The following PRPS2 variants were observed in gnomAD, a reference collection of about 807,000 sequenced individuals.
The protein encoded by PRPS2 is phosphoribosyl pyrophosphate synthetase 2, also known as ribose-phosphate pyrophosphokinase 2.
For synonymous variants in PRPS2, 111 were observed against 115.3 expected, an observed-to-expected ratio of 0.96 and a Z score of 0.24; for missense variants, 104 against 271.5, an observed-to-expected ratio of 0.38 and a Z score of 4.34.
chrX:12,800,570 T>G (rs756595050), intron 2 of PRPS2, among the ~76,000 whole-genome samples: 1 of 111,318 alleles, frequency 9.0e-6, no homozygotes, highest in Non-Finnish European at 1.9e-5. Context: ...TAGATAGATG[T>G]TCAGCCAGGC....
chrX:12,819,536 T>C lies in PRPS2; in HGVS notation c.560T>C (p.Val187Ala). 1.7e-6 allele frequency: 2 copies of C among 1,209,433 alleles called. No homozygotes were observed. The highest frequency in any genetic ancestry group is 2.2e-6 in the Non-Finnish European group (2 of 894,244). ...RVTSIADRLN[V>A]EFALIHKERK... ...ACATCAATTGCAGACAGGTTGAATG[T>C]GGAATTTGCTTTGATCCACAAAGAG... Residue 187 changes from valine (V) to alanine (A), a missense_variant, in exon 5 of 7, where the codon GTG becomes GCG. By Grantham distance (64) the Val-to-Ala change is moderately conservative. Transcript: ENST00000380668.
intron 2 of PRPS2, among the ~76,000 whole-genome samples, chrX:12,800,727 TC>T (rs1374453250): frequency 9.0e-6 from 1 of 111,523 alleles, no homozygotes. Flanking sequence ...GCACACAAGA[TC>T]CCCTCATATT....
At chrX:12,814,639 T>C (rs1313799310) in intron 4 of PRPS2, among the ~76,000 whole-genome samples, 1 of 112,125 alleles carries the variant, frequency 8.9e-6, no homozygotes, top group African/African-American at 3.2e-5. Context: ...GAGGTCACTC[T>C]TGGGTAGGCT....
At chrX:12,805,970 G>A (rs2042591621) in intron 2 of PRPS2, among the ~76,000 whole-genome samples, 1 of 111,291 alleles carries the variant, frequency 9.0e-6, no homozygotes. Context: ...CTACTCAGGG[G>A]GCTGGGGCAG....
At chrX:12,817,468 TAAAAAAAA>T (rs765566895) in intron 4 of PRPS2, among the ~76,000 whole-genome samples, 1 of 67,276 alleles carries the variant, frequency 1.5e-5, no homozygotes, top group African/African-American at 5.8e-5. Context: ...ATGTTCCTCA[TAAAAAAAA>T]AAAAAAAAAA....
At chrX:12,817,206 G>A (rs909912264) in intron 4 of PRPS2, among the ~76,000 whole-genome samples, 13 of 110,719 alleles carry the variant, frequency 1.2e-4, no homozygotes, top group Middle Eastern at 4.2e-3. Context: ...CTGAATGTTT[G>A]TGGTTTGGTG....
Position 12,799,829 on chromosome X carries a change from T to A in PRPS2, c.306+439T>A, listed in dbSNP as rs371345206. Among the ~76,000 whole-genome samples the A allele has an allele frequency of 5.4e-5, 6 of 111,415 alleles. No homozygotes were observed. In the East Asian group the frequency reaches 1.1e-3, roughly 21 times the overall value. On this transcript the variant is annotated intron_variant, in intron 2 of 6. Transcript: ENST00000380668. ...GGAACTAGGTAAAAGGTTCACAGGA[T>A]CTCTGCGTTGTTTCATACAACTGCA...
At chrX:12,810,385 A>G (rs2042617702) in intron 4 of PRPS2, 1 of 326,402 alleles carries the variant, frequency 3.1e-6, no homozygotes, top group Non-Finnish European at 5.2e-6. Flanking sequence ...ATATTGGTTT[A>G]TTTGTTTTCA....
At chrX:12,820,589 G>A in intron 5 of PRPS2, 55 bp from the exon 6 acceptor site, 3 of 1,138,093 alleles carry the variant, frequency 2.6e-6, no homozygotes, top group Non-Finnish European at 3.5e-6. Flanking sequence ...TACTAGGGGA[G>A]AGTATTCCAA....
chrX:12,812,014 G>A (rs1319079504), intron 4 of PRPS2, among the ~76,000 whole-genome samples: 2 of 112,098 alleles, frequency 1.8e-5, no homozygotes, highest in Non-Finnish European at 3.8e-5. Flanking sequence ...GTCACGGGGT[G>A]GAGGGCAGCG....
Position 12,819,414 on chromosome X carries a change from C to T in PRPS2, c.531-93C>T, listed in dbSNP as rs182520451. 327 of 1,001,505 alleles carry T rather than the reference C, an allele frequency of 3.3e-4. 2 individuals are homozygous for T. Among genetic ancestry groups the T allele is most frequent in the Admixed American group, 7.1e-4 (28 of 39,569 alleles). The allele number at this position is 1,001,505 out of a possible 1,213,427, so 82.5% of individuals were successfully genotyped here. A position where few individuals can be genotyped will look rare whatever the true frequency, so the allele number is the denominator to read the frequency against. ...GAGGCCTGATTCTTGCATCATCTCT[C>T]GGGTGTGGTTGCCTGCTACATTCCC... On this transcript the variant is annotated intron_variant, in intron 4 of 6. Transcript: ENST00000380668.
At chrX:12,799,903 C>A (rs1227501381) in intron 2 of PRPS2, among the ~76,000 whole-genome samples, 1 of 111,070 alleles carries the variant, frequency 9.0e-6, no homozygotes, top group Non-Finnish European at 1.9e-5. Flanking sequence ...AAAAAAAAAA[C>A]CCATGATCTC....
chrX:12,795,603 T>G (rs2042539250), intron 1 of PRPS2, among the ~76,000 whole-genome samples: 1 of 111,683 alleles, frequency 9.0e-6, no homozygotes, highest in Non-Finnish European at 1.9e-5. Context: ...AGAGCATATT[T>G]GAGAGAGAGC....
At chrX:12,809,820 G>C (rs1234617470) in intron 3 of PRPS2, among the ~76,000 whole-genome samples, 3 of 112,408 alleles carry the variant, frequency 2.7e-5, no homozygotes, top group African/African-American at 6.5e-5. Context: ...CCAAGAGACA[G>C]ATTGGACTGA....
chrX:12,793,992 G>C (rs2042531804), intron 1 of PRPS2, among the ~76,000 whole-genome samples: 1 of 112,245 alleles, frequency 8.9e-6, no homozygotes, highest in Non-Finnish European at 1.9e-5. Context: ...ATTTTACTAT[G>C]GTCAGTTAAC....
intron 2 of PRPS2, among the ~76,000 whole-genome samples, chrX:12,807,004 C>T (rs966623240): frequency 1.8e-5 from 2 of 110,057 alleles, no homozygotes; most frequent in Non-Finnish European, 3.8e-5. Context: ...TGCGGTGAGC[C>T]GAGATCACAC....
chrX:12,804,394 G>A (rs189699494), intron 2 of PRPS2, among the ~76,000 whole-genome samples: 2 of 110,922 alleles, frequency 1.8e-5, no homozygotes, highest in East Asian at 5.7e-4. Flanking sequence ...TGCTCACCTC[G>A]GCCTCCCAAA....
At chrX:12,800,095 T>C (rs2042562337) in intron 2 of PRPS2, among the ~76,000 whole-genome samples, 1 of 112,111 alleles carries the variant, frequency 8.9e-6, no homozygotes, top group African/African-American at 3.2e-5. Flanking sequence ...TTGTATTAGT[T>C]TTCTAAGCTG....
chrX:12,792,187 T>G (rs960197071), intron 1 of PRPS2, among the ~76,000 whole-genome samples: 1 of 112,392 alleles, frequency 8.9e-6, no homozygotes. Flanking sequence ...CCCCCAAGGG[T>G]TTGATCCAAC....
Sources: gnomAD v4.1 joint callset for allele counts (sites outside exome capture counted in the v4.1 genomes callset) on GRCh38, gnomAD v4.1.1 for gene constraint, MANE v1.5 for transcripts, NCBI Gene and HGNC (gene_info 2026-07-23, HGNC 2026-07-21) for gene names.